The following FGF12 variants were observed in gnomAD, a reference collection of about 807,000 sequenced individuals.
FGF12 encodes the protein fibroblast growth factor 12B.
In FGF12, 14 loss-of-function variants were observed where a neutral mutation model predicts 23.6. That is an observed-to-expected ratio of 0.59 (90% CI 0.39 to 0.93). The LOEUF (loss-of-function observed/expected upper bound fraction) is 0.93. Among genes scored for constraint, FGF12 ranks in the 40% least tolerant of loss-of-function variants. The pLI, the probability that FGF12 is intolerant of heterozygous loss-of-function variation, is 0.00. For missense variants in FGF12, 175 were observed against 217.8 expected (o/e 0.80, Z 1.24); for synonymous variants, 62 against 77.3 (o/e 0.80, Z 1.04).
At chr3:192,530,892 G>T (rs186271332) in intron 2 of FGF12, among the ~76,000 whole-genome samples, 53 of 152,160 alleles carry the variant, frequency 3.5e-4, no homozygotes, top group African/African-American at 1.2e-3. Context: ...TCAGCTCACT[G>T]CAACCTTCAC....
intron 4 of FGF12, among the ~76,000 whole-genome samples, chr3:192,329,278 T>G (rs189656162): frequency 3.9e-5 from 6 of 152,204 alleles, no homozygotes; most frequent in African/African-American, 1.4e-4. Flanking sequence ...CAGGTAAGAT[T>G]TGAGCTGAGC....
In FGF12 at chr3:192,255,855, G is replaced by A. The variant is rs528305702; in HGVS notation, c.228+79506C>T. Among the ~76,000 whole-genome samples, 31 of 152,130 alleles carry A rather than the reference G, an allele frequency of 2.0e-4. No individual in the cohort carries two copies. In the Middle Eastern group the frequency reaches 0.017, roughly 83 times the overall value. On this transcript the variant is annotated intron_variant, in intron 4 of 5. Transcript: ENST00000445105. ...TGGAACATCTCCAGTAGCCATTAAT[G>A]TCTTTCCCGAAGTTATATGGCATTT... is the stretch of plus-strand genomic sequence containing the variant.
chr3:192,183,327 A>G (rs1016779152), intron 4 of FGF12, among the ~76,000 whole-genome samples: 1 of 152,124 alleles, frequency 6.6e-6, no homozygotes, highest in Non-Finnish European at 1.5e-5. Context: ...GACTCAATCA[A>G]GCCTGCATGG....
At chr3:192,616,623 G>C (rs540988970) in intron 2 of FGF12, among the ~76,000 whole-genome samples, 1 of 152,124 alleles carries the variant, frequency 6.6e-6, no homozygotes, top group East Asian at 1.9e-4. Flanking sequence ...TATGGGCAGT[G>C]ATATTTTGAG....
At chr3:192,274,321 A>T (rs1410770740) in intron 4 of FGF12, among the ~76,000 whole-genome samples, 1 of 152,220 alleles carries the variant, frequency 6.6e-6, no homozygotes, top group East Asian at 1.9e-4. Flanking sequence ...AAAATCAGTG[A>T]CAAGTATTTA....
At chr3:192,266,739 C>A (rs368588893) in intron 4 of FGF12, among the ~76,000 whole-genome samples, 16 of 151,792 alleles carry the variant, frequency 1.1e-4, no homozygotes, top group African/African-American at 3.6e-4. Flanking sequence ...GTATTACTAA[C>A]CCGAATGGCT....
chr3:192,311,577 G>T (rs1367173503), intron 4 of FGF12, among the ~76,000 whole-genome samples: 1 of 152,002 alleles, frequency 6.6e-6, no homozygotes, highest in African/African-American at 2.4e-5. Flanking sequence ...CTACTTTTAG[G>T]CTGTTATGAA....
intron 2 of FGF12, among the ~76,000 whole-genome samples, chr3:192,571,958 T>TA (rs966514021): frequency 2.4e-4 from 33 of 138,160 alleles, no homozygotes; most frequent in Non-Finnish European, 3.3e-4. Flanking sequence ...TTTTTTTTTT[T>TA]AATTTTAGTT....
At chr3:192,679,521 G>A (rs1717444385) in intron 2 of FGF12, among the ~76,000 whole-genome samples, 1 of 151,968 alleles carries the variant, frequency 6.6e-6, no homozygotes, top group Non-Finnish European at 1.5e-5. Context: ...TGGGAGGATG[G>A]TTTGAGCCCT....
chr3:192,204,125 G>T (rs1251846904), intron 4 of FGF12, among the ~76,000 whole-genome samples: 1 of 152,058 alleles, frequency 6.6e-6, no homozygotes, highest in African/African-American at 2.4e-5. Context: ...TTAGATGAAG[G>T]TCACCCAAAA....
chr3:192,316,751 G>A (rs1716246469), intron 4 of FGF12, among the ~76,000 whole-genome samples: 2 of 152,160 alleles, frequency 1.3e-5, no homozygotes, highest in South Asian at 2.1e-4. Context: ...GACCTAGTGA[G>A]ACACCAGCCC....
intron 2 of FGF12, among the ~76,000 whole-genome samples, chr3:192,443,104 G>A (rs139200578): frequency 2.5e-3 from 381 of 152,162 alleles, no homozygotes; most frequent in Admixed American, 4.3e-3. Context: ...CACCGTGCCC[G>A]GCCGTGTCTT....
chr3:192,287,771 T>A (rs1714535581), intron 4 of FGF12, among the ~76,000 whole-genome samples: 2 of 152,074 alleles, frequency 1.3e-5, no homozygotes, highest in Non-Finnish European at 2.9e-5. Flanking sequence ...TGACACGGCA[T>A]CTGGATCATT....
chr3:192,455,425 G>T (rs1017022041), intron 2 of FGF12, among the ~76,000 whole-genome samples: 5 of 152,104 alleles, frequency 3.3e-5, no homozygotes, highest in Non-Finnish European at 1.5e-5. Context: ...AGAAATAGTT[G>T]CAAGGAAACT....
chr3:192,177,954 T>G lies in FGF12; in HGVS notation c.229-7298A>C, dbSNP rs567167449. ...ATAACACATATGAATTTGTTTAAGCTTCTTGAAAGTAGCTACCATGATTGC... is the reference window on the plus strand; with the variant it reads ...ATAACACATATGAATTTGTTTAAGCGTCTTGAAAGTAGCTACCATGATTGC... On this transcript the variant is annotated intron_variant, in intron 4 of 5. Transcript: ENST00000445105. Among the ~76,000 whole-genome samples the G allele has an allele frequency of 1.7e-4, 26 of 152,340 alleles. No individual in the cohort carries two copies. In the South Asian group the frequency reaches 3.5e-3, roughly 21 times the overall value.
chr3:192,585,560 C>T (rs1032275059), intron 2 of FGF12, among the ~76,000 whole-genome samples: 10 of 152,090 alleles, frequency 6.6e-5, no homozygotes, highest in Non-Finnish European at 1.2e-4. Flanking sequence ...GGTATCTCAC[C>T]AGCTTGACCC....
At position 192,318,671 on chromosome 3, in the gene FGF12, CA is replaced by C. The variant is rs533555378; in HGVS notation, c.228+16689del. ...GAGAGATCAGAGTAGAAAGTTTATT[CA>C]AAAGAATAATAACAGAGAACTTCAC... On this transcript the variant is annotated intron_variant, in intron 4 of 5. Coordinates refer to ENST00000445105, the MANE Select transcript of FGF12 (RefSeq NM_004113.6). Among the ~76,000 whole-genome samples the C allele has an allele frequency of 1.1e-3, 164 of 151,934 alleles. 1 individual carries two copies. The highest frequency in any genetic ancestry group is 3.8e-3 in the African/African-American group (157 of 41,436).
chr3:192,486,909 T>C (rs1241890821), intron 2 of FGF12, among the ~76,000 whole-genome samples: 1 of 152,184 alleles, frequency 6.6e-6, no homozygotes, highest in South Asian at 2.1e-4. Context: ...GTGTGTTTTA[T>C]ATGTTTTAAT....
intron 3 of FGF12, among the ~76,000 whole-genome samples, chr3:192,341,033 T>G (rs1232398909): frequency 6.6e-6 from 1 of 152,156 alleles, no homozygotes; most frequent in Non-Finnish European, 1.5e-5. Flanking sequence ...ACTTATGGAA[T>G]GGGAGAAAAT....
Sources: allele counts gnomAD v4.1 joint callset (sites outside exome capture counted in the v4.1 genomes callset), GRCh38; gene constraint gnomAD v4.1.1; transcripts MANE v1.5; gene names NCBI Gene and HGNC (gene_info 2026-07-23, HGNC 2026-07-21).